EP300: variants seen among roughly 807,000 people sequenced by gnomAD.
The protein encoded by EP300 is histone acetyltransferase p300.
In EP300, 31 loss-of-function variants were observed where a neutral mutation model predicts 264.0. That is an observed-to-expected ratio of 0.12 (90% CI 0.09 to 0.16). EP300 has a LOEUF of 0.16. Among genes scored for constraint, EP300 ranks in the 10% least tolerant of loss-of-function variants. EP300 has a pLI of 1.00. For missense variants in EP300, 2,766 were observed against 3,052.9 expected (o/e 0.91, Z 2.21); for synonymous variants, 1,340 against 1,045.4 (o/e 1.28, Z -5.44).
At chr22:41,093,221 A>C (rs2145666248) in intron 1 of EP300, 123 bp downstream of exon 1, 6 of 1,028,482 alleles carry the variant, frequency 5.8e-6, no homozygotes, top group Non-Finnish European at 8.7e-6. Context: ...TTAATTTTAA[A>C]GGTATTTGAA....
chr22:41,165,036 A>T (rs892772886), intron 22 of EP300, among the ~76,000 whole-genome samples: 12 of 152,170 alleles, frequency 7.9e-5, no homozygotes, highest in Admixed American at 4.6e-4. Flanking sequence ...AGGGCAGGCT[A>T]ATTGACAGAT....
chr22:41,137,834 C>G (rs368047586), intron 8 of EP300, 44 bp downstream of exon 8: 18 of 1,613,216 alleles, frequency 1.1e-5, no homozygotes, highest in East Asian at 2.2e-5. Context: ...AGAGATGTTA[C>G]GTCAACATGT....
chr22:41,117,779 G>A lies in EP300; in HGVS notation c.687G>A (p.Gln229=). 6.2e-7 allele frequency: 1 copy of A among 1,614,246 alleles called. No homozygotes were observed. Among genetic ancestry groups the A allele is most frequent in the Non-Finnish European group, 8.5e-7 (1 of 1,180,048 alleles). Residue 229 remains glutamine (Q), a synonymous_variant, in exon 2 of 31, where the codon CAG becomes CAA. Coordinates refer to ENST00000263253, the MANE Select transcript of EP300 (RefSeq NM_001429.4). ...LTEPLQQGSP[Q]MGGQTGLRGP... is the part of the protein sequence containing the mutation. ...AGCCTCTTCAGCAGGGCTCTCCCCAGATGGGAGGACAAACAGGATTGAGAG... is the reference window on the plus strand; with the variant it reads ...AGCCTCTTCAGCAGGGCTCTCCCCAAATGGGAGGACAAACAGGATTGAGAG...
intron 8 of EP300, 65 bp downstream of exon 8, chr22:41,137,855 C>T: frequency 5.6e-6 from 9 of 1,609,024 alleles, no homozygotes; most frequent in Non-Finnish European, 6.8e-6. Flanking sequence ...TTTCAATCTC[C>T]TGGGCATTTA....
In EP300 at chr22:41,168,537, C is replaced by G. The variant is rs199751606; in HGVS notation, c.3963C>G (p.Val1321=). ...RRQNHPESGE[V]TVRVVHASDK... is the part of the protein sequence containing the mutation. ...AGAATCACCCTGAGTCAGGAGAGGT[C>G]ACTGTTAGAGTAGTTCATGCTTCTG... Residue 1321 remains valine (V), a synonymous_variant, in exon 24 of 31, where the codon GTC becomes GTG. Coordinates refer to ENST00000263253, the MANE Select transcript of EP300 (RefSeq NM_001429.4). 8.7e-6 allele frequency: 14 copies of G among 1,614,188 alleles called. No homozygotes were observed. Among genetic ancestry groups the G allele is most frequent in the Non-Finnish European group, 1.1e-5 (13 of 1,180,034 alleles).
In EP300 at chr22:41,151,816, C is replaced by CT. The variant is rs1281166131; in HGVS notation, c.2818-9dup. ...CTCTGCGTGTGTCTCACCTACTTCC[C>CT]TTTTTTTTCTGCCCAGCTTTCCCAG... On this transcript the variant is annotated splice_polypyrimidine_tract_variant and intron_variant, in intron 14 of 30. Coordinates refer to ENST00000263253, the MANE Select transcript of EP300 (RefSeq NM_001429.4). The CT allele has an allele frequency of 8.1e-6, 13 of 1,612,194 alleles. No individual in the cohort carries two copies. The highest frequency in any genetic ancestry group is 1.7e-5 in the Admixed American group (1 of 59,964).
rs771268691 is a variant in EP300, at chr22:41,141,175, T to A, written c.2006T>A (p.Met669Lys). The A allele has an allele frequency of 2.5e-6, 4 of 1,614,070 alleles. No individual in the cohort carries two copies. Among genetic ancestry groups the A allele is most frequent in the Non-Finnish European group, 2.5e-6 (3 of 1,180,044 alleles). The change falls in exon 10 of 31, where the codon ATG (methionine) becomes AAG (lysine). Residue 669 changes from methionine to lysine, a missense_variant. Met to Lys is a moderately conservative substitution (Grantham distance 95). Transcript: ENST00000263253. ...PNAAGMVPVS[M>K]NPGPNMGQPQ... Reference sequence around the variant, plus strand: ...GCTGCAGGCATGGTTCCAGTTTCCATGAATCCAGGGCCTAACATGGGACAG... The same window carrying A: ...GCTGCAGGCATGGTTCCAGTTTCCAAGAATCCAGGGCCTAACATGGGACAG...
At chr22:41,132,350 C>T (rs534979626) in intron 6 of EP300, among the ~76,000 whole-genome samples, 2 of 134,874 alleles carry the variant, frequency 1.5e-5, no homozygotes, top group East Asian at 2.3e-4. Context: ...TGCAGTGGCA[C>T]GATCTCGGCT....
At chr22:41,171,542 G>A (rs954184211) in intron 27 of EP300, among the ~76,000 whole-genome samples, 1 of 151,962 alleles carries the variant, frequency 6.6e-6, no homozygotes, top group Non-Finnish European at 1.5e-5. Flanking sequence ...TCACCATGTT[G>A]CCCAGGCTGG....
At chr22:41,112,404 G>A (rs1402526560) in intron 1 of EP300, among the ~76,000 whole-genome samples, 2 of 148,080 alleles carry the variant, frequency 1.4e-5, no homozygotes, top group African/African-American at 5.0e-5. Context: ...TCGCTATATT[G>A]GCCAGGCTGG....
chr22:41,152,239 G>C lies in EP300; in HGVS notation c.3031G>C (p.Glu1011Gln), dbSNP rs775368605. ...GGAAGACTGTAAAATGGAATCTACCGAAACAGAAGAGAGAAGCACTGAGTT... is the reference window on the plus strand; with the variant it reads ...GGAAGACTGTAAAATGGAATCTACCCAAACAGAAGAGAGAAGCACTGAGTT... ...KVEDCKMEST[E>Q]TEERSTELKT... The change falls in exon 16 of 31, where the codon GAA (glutamate) becomes CAA (glutamine). Residue 1011 changes from glutamate to glutamine, a missense_variant. Physicochemically the swap from Glu to Gln is conservative, Grantham distance 29. Transcript: ENST00000263253. The C allele has an allele frequency of 1.2e-5, 19 of 1,614,024 alleles. No individual in the cohort carries two copies. The highest frequency in any genetic ancestry group is 1.5e-5 in the Non-Finnish European group (18 of 1,179,996).
intron 14 of EP300, among the ~76,000 whole-genome samples, chr22:41,151,620 ATC>A (rs2059046000): frequency 6.6e-6 from 1 of 152,226 alleles, no homozygotes; most frequent in Non-Finnish European, 1.5e-5. Flanking sequence ...TTGATGTACA[ATC>A]AGCCAACCAG....
At chr22:41,122,154 CTTCTTTTTTTTTTTTT>C in intron 2 of EP300, among the ~76,000 whole-genome samples, 1 of 97,256 alleles carries the variant, frequency 1.0e-5, no homozygotes, top group African/African-American at 3.3e-5. Context: ...CTTTCTTCTT[CTTCTTTTTTTTTTTTT>C]TTTTTTTTTT....
chr22:41,093,126 C>CGTTCCCTTT (rs1569077596), intron 1 of EP300, 28 bp downstream of exon 1: 1 of 1,608,298 alleles, frequency 6.2e-7, no homozygotes, highest in Non-Finnish European at 8.5e-7. Context: ...CGGCCTTCCA[C>CGTTCCCTTT]GTTCCCTTTA....
chr22:41,143,525 A>G (rs1462011529), intron 10 of EP300, among the ~76,000 whole-genome samples: 2 of 152,210 alleles, frequency 1.3e-5, no homozygotes, highest in African/African-American at 2.4e-5. Context: ...TGAAGAAAAC[A>G]TAACATTCTC....
intron 10 of EP300, among the ~76,000 whole-genome samples, chr22:41,144,968 C>T (rs951396327): frequency 6.6e-6 from 1 of 152,134 alleles, no homozygotes; most frequent in Non-Finnish European, 1.5e-5. Context: ...TATAGCTGCA[C>T]TCATGGCTGA....
In EP300 at chr22:41,151,915, T is replaced by G. The variant is rs754327481; in HGVS notation, c.2900T>G (p.Ile967Ser). Residue 967 changes from isoleucine to serine, a missense_variant, in exon 15 of 31, where the codon ATT (isoleucine) becomes AGT (serine). Physicochemically the swap from Ile to Ser is moderately radical, Grantham distance 142. Coordinates refer to ENST00000263253, the MANE Select transcript of EP300 (RefSeq NM_001429.4). Reference protein sequence around the residue: ...TSSTEVNSQAIAEKQPSQEVK... With the variant: ...TSSTEVNSQASAEKQPSQEVK... ...AGCACAGAAGTGAATTCTCAGGCCA[T>G]TGCTGAGAAGCAGCCTTCCCAGGAA... The G allele has an allele frequency of 1.9e-5, 30 of 1,613,832 alleles. No individual in the cohort carries two copies. The highest frequency in any genetic ancestry group is 1.6e-4 in the Middle Eastern group (1 of 6,084).
Position 41,160,687 on chromosome 22 carries a change from C to T in EP300, c.3636C>T (p.Ser1212=), listed in dbSNP as rs911135531. 6.2e-6 allele frequency: 10 copies of T among 1,613,894 alleles called. No homozygotes were observed. Among genetic ancestry groups the T allele is most frequent in the Admixed American group, 3.3e-5 (2 of 59,994 alleles). Residue 1212 remains serine, a synonymous_variant, in exon 20 of 31, where the codon AGC becomes AGT. Transcript: ENST00000263253. The stretch of plus-strand genomic sequence containing the variant: ...GTTTCAATGAGATCCAAGGGGAGAG[C>T]GTTTCTTTGGGGGATGACCCTTCCC... ...EKCFNEIQGE[S]VSLGDDPSQP... is the part of the protein sequence containing the mutation.
At chr22:41,140,908 C>A in intron 9 of EP300, 140 bp from the exon 10 acceptor site, 2 of 776,744 alleles carry the variant, frequency 2.6e-6, no homozygotes, top group Non-Finnish European at 4.1e-6. Flanking sequence ...ATAAGTTGAA[C>A]TTTCCTTTCT....
Sources: gnomAD v4.1 joint callset for allele counts (sites outside exome capture counted in the v4.1 genomes callset) on GRCh38, gnomAD v4.1.1 for gene constraint, MANE v1.5 for transcripts, NCBI Gene and HGNC (gene_info 2026-07-23, HGNC 2026-07-21) for gene names.